The following MAP3K5 variants were observed in gnomAD, a reference collection of about 807,000 sequenced individuals.
MAP3K5 encodes the protein ASK-1.
Under a neutral mutation model 158.7 loss-of-function variants are expected in MAP3K5, and 56 were observed. That is an observed-to-expected ratio of 0.35 (90% CI 0.28 to 0.44). MAP3K5 has a LOEUF of 0.44. MAP3K5 is among the 20% of genes least tolerant of loss of function. MAP3K5 has a pLI of 1.00. For synonymous variants in MAP3K5, 579 were observed against 601.7 expected, an observed-to-expected ratio of 0.96 and a Z score of 0.55; for missense variants, 1,294 against 1,674.8, an observed-to-expected ratio of 0.77 and a Z score of 3.97.
intron 24 of MAP3K5, among the ~76,000 whole-genome samples, chr6:136,583,180 C>A (rs1774964260): frequency 6.6e-6 from 1 of 152,158 alleles, no homozygotes. Context: ...TTAAATTTTT[C>A]TCAATGGCCA....
intron 23 of MAP3K5, among the ~76,000 whole-genome samples, chr6:136,585,017 A>T (rs560123020): frequency 2.0e-5 from 3 of 152,218 alleles, no homozygotes; most frequent in African/African-American, 7.2e-5. Context: ...AATTGCTTCT[A>T]AGAACGGACC....
At chr6:136,697,887 G>A (rs1780671963) in intron 4 of MAP3K5, among the ~76,000 whole-genome samples, 1 of 152,126 alleles carries the variant, frequency 6.6e-6, no homozygotes, top group South Asian at 2.1e-4. Context: ...TGGGATTACA[G>A]GTGTGCACCA....
At chr6:136,674,667 T>C (rs1779629359) in intron 7 of MAP3K5, among the ~76,000 whole-genome samples, 1 of 151,982 alleles carries the variant, frequency 6.6e-6, no homozygotes, top group African/African-American at 2.4e-5. Context: ...TTTTTCAAAT[T>C]AGACTGAACA....
chr6:136,661,935 T>G (rs1562590598), intron 8 of MAP3K5, among the ~76,000 whole-genome samples: 2 of 152,232 alleles, frequency 1.3e-5, no homozygotes, highest in Non-Finnish European at 2.9e-5. Flanking sequence ...TGCCATACAT[T>G]TATCACATGA....
chr6:136,745,378 G>A (rs1782892909), intron 1 of MAP3K5, among the ~76,000 whole-genome samples: 1 of 151,960 alleles, frequency 6.6e-6, no homozygotes, highest in Non-Finnish European at 1.5e-5. Flanking sequence ...TACACTTTTT[G>A]AAAATACAAG....
At chr6:136,691,186 T>C (rs1165484591) in intron 7 of MAP3K5, among the ~76,000 whole-genome samples, 1 of 152,248 alleles carries the variant, frequency 6.6e-6, no homozygotes, top group African/African-American at 2.4e-5. Context: ...CTGAGCTTCC[T>C]AGATCTGTGA....
At chr6:136,567,551 C>A in intron 26 of MAP3K5, 80 bp downstream of exon 26, 1 of 1,407,378 alleles carries the variant, frequency 7.1e-7, no homozygotes, top group Admixed American at 2.3e-5. Flanking sequence ...ATAAGGGAAT[C>A]ATATTCTGTA....
At chr6:136,642,166 T>C (rs1364788728) in intron 12 of MAP3K5, among the ~76,000 whole-genome samples, 2 of 152,186 alleles carry the variant, frequency 1.3e-5, no homozygotes, top group Non-Finnish European at 1.5e-5. Context: ...GAGTTCCTTG[T>C]ATACCAAAAG....
chr6:136,756,185 G>A (rs1279253842), intron 1 of MAP3K5, among the ~76,000 whole-genome samples: 2 of 151,966 alleles, frequency 1.3e-5, no homozygotes, highest in Non-Finnish European at 1.5e-5. Flanking sequence ...AGGCATGGTG[G>A]TGCATGCCTG....
chr6:136,730,910 T>C (rs1782196931), intron 1 of MAP3K5, among the ~76,000 whole-genome samples: 1 of 152,144 alleles, frequency 6.6e-6, no homozygotes, highest in Admixed American at 6.5e-5. Context: ...AGCCATACTA[T>C]TTGTAAACCA....
intron 27 of MAP3K5, 36 bp from the exon 28 acceptor site, chr6:136,561,681 A>T: frequency 3.3e-6 from 4 of 1,209,560 alleles, no homozygotes; most frequent in Non-Finnish European, 3.7e-6. Flanking sequence ...TCTTAATTTC[A>T]CCTAACAGAG....
At chr6:136,562,363 TTTTA>T in intron 27 of MAP3K5, 136 bp downstream of exon 27, 1 of 444,190 alleles carries the variant, frequency 2.3e-6, no homozygotes. Flanking sequence ...GATTTTTTTT[TTTTA>T]AAGGAATTCC....
At chr6:136,650,158 G>A (rs1778454850) in intron 11 of MAP3K5, among the ~76,000 whole-genome samples, 1 of 152,194 alleles carries the variant, frequency 6.6e-6, no homozygotes, top group Admixed American at 6.5e-5. Context: ...GTCTGGTAGT[G>A]CCTGATCCAG....
intron 1 of MAP3K5, among the ~76,000 whole-genome samples, chr6:136,773,173 A>AG (rs1784277109): frequency 6.6e-6 from 1 of 152,220 alleles, no homozygotes; most frequent in African/African-American, 2.4e-5. Context: ...AAACCCTGTT[A>AG]AATAACACCT....
chr6:136,591,842 T>A (rs1033782263), intron 23 of MAP3K5, among the ~76,000 whole-genome samples: 1 of 152,236 alleles, frequency 6.6e-6, no homozygotes, highest in African/African-American at 2.4e-5. Context: ...CATGGCTTAA[T>A]GTGTGTTTAT....
chr6:136,620,302 T>A (rs1776744456), intron 15 of MAP3K5, among the ~76,000 whole-genome samples: 2 of 152,100 alleles, frequency 1.3e-5, no homozygotes, highest in Admixed American at 1.3e-4. Context: ...AAAATCTGGG[T>A]TTGCTATTGG....
At chr6:136,690,207 G>A (rs192917818) in intron 7 of MAP3K5, among the ~76,000 whole-genome samples, 104 of 152,100 alleles carry the variant, frequency 6.8e-4, no homozygotes, top group Middle Eastern at 3.4e-3. Flanking sequence ...ATGCCCATCC[G>A]TGCATCTATA....
chr6:136,669,132 C>T (rs1779356907), intron 8 of MAP3K5, 151 bp downstream of exon 8: 1 of 642,490 alleles, frequency 1.6e-6, no homozygotes, highest in African/African-American at 1.8e-5. Flanking sequence ...GTATGAAACA[C>T]CAAACAAGGA....
chr6:136,631,601 C>A (rs1182635543), intron 14 of MAP3K5, among the ~76,000 whole-genome samples: 1 of 151,732 alleles, frequency 6.6e-6, no homozygotes, highest in African/African-American at 2.4e-5. Context: ...CAGCCTTGAC[C>A]TCTCGGGCTC....
Sources: gnomAD v4.1 joint callset for allele counts (sites outside exome capture counted in the v4.1 genomes callset) on GRCh38, gnomAD v4.1.1 for gene constraint, MANE v1.5 for transcripts, NCBI Gene and HGNC (gene_info 2026-07-23, HGNC 2026-07-21) for gene names.